The following ZNF264 variants were observed in gnomAD, a reference collection of about 807,000 sequenced individuals.
ZNF264 encodes the protein zinc finger protein 264.
In ZNF264, 11 loss-of-function variants were observed where a neutral mutation model predicts 11.2. The ratio of observed to expected loss-of-function variants is 0.98; its 90% CI spans 0.62 to 1.63. The LOEUF is 1.63. Ranked by LOEUF, ZNF264 falls within the 40% of genes most tolerant of loss-of-function variation. The pLI, the probability that ZNF264 is intolerant of heterozygous loss-of-function variation, is 0.00. For synonymous variants in ZNF264, 309 were observed against 279.8 expected, an observed-to-expected ratio of 1.10 and a Z score of -1.04; for missense variants, 752 against 768.1, an observed-to-expected ratio of 0.98 and a Z score of 0.25.
At chr19:57,208,008 G>A (rs1026424987) in intron 3 of ZNF264, among the ~76,000 whole-genome samples, 1 of 151,700 alleles carries the variant, frequency 6.6e-6, no homozygotes, top group African/African-American at 2.4e-5. Context: ...TTACAGGTGT[G>A]AGCCACTGCG....
At chr19:57,205,749 G>T (rs1293066151) in intron 3 of ZNF264, among the ~76,000 whole-genome samples, 1 of 152,192 alleles carries the variant, frequency 6.6e-6, no homozygotes, top group African/African-American at 2.4e-5. Context: ...TGTGTTCAGG[G>T]GTTCCAACTG....
chr19:57,194,397 T>C (rs967894483), intron 2 of ZNF264, among the ~76,000 whole-genome samples: 1 of 151,996 alleles, frequency 6.6e-6, no homozygotes, highest in African/African-American at 2.4e-5. Flanking sequence ...AAGACAAGAG[T>C]GGCCACCTGG....
chr19:57,193,568 T>G (rs962994506), intron 1 of ZNF264: 3 of 981,080 alleles, frequency 3.1e-6, no homozygotes, highest in Admixed American at 1.2e-4. Context: ...ATTATTGCTA[T>G]TATTACCATT....
intron 3 of ZNF264, among the ~76,000 whole-genome samples, chr19:57,208,141 C>T (rs2087307763): frequency 6.6e-6 from 1 of 152,228 alleles, no homozygotes; most frequent in Non-Finnish European, 1.5e-5. Flanking sequence ...AGGCGTAAGC[C>T]ACTATGCCCA....
intron 2 of ZNF264, among the ~76,000 whole-genome samples, chr19:57,202,972 T>C (rs2087264296): frequency 6.6e-6 from 1 of 152,072 alleles, no homozygotes; most frequent in Admixed American, 6.5e-5. Context: ...GGAACAGAAT[T>C]AGAGGACACC....
Position 57,193,889 on chromosome 19 carries a change from T to C in ZNF264, c.48T>C (p.Phe16=), listed in dbSNP as rs1366853573. The change falls in exon 2 of 4, where the codon TTT becomes TTC. Residue 16 remains phenylalanine, a synonymous_variant. Transcript: ENST00000263095. ...LTDRAQVSVT[F]DDVAVTFTKE... ...TGACTTTCCAGGTGTCTGTGACCTT[T>C]GATGATGTGGCTGTGACTTTCACCA... 6.2e-7 allele frequency: 1 copy of C among 1,614,118 alleles called. No homozygotes were observed. Among genetic ancestry groups the C allele is most frequent in the Non-Finnish European group, 8.5e-7 (1 of 1,179,984 alleles).
intron 1 of ZNF264, 69 bp downstream of exon 1, chr19:57,192,015 G>T: frequency 7.2e-7 from 1 of 1,388,322 alleles, no homozygotes; most frequent in East Asian, 2.7e-5. Flanking sequence ...AAGTGGGTGG[G>T]AGCCCAGGTA....
chr19:57,214,922 A>G lies in ZNF264; in HGVS notation c.*1941A>G, dbSNP rs1027817908. 60 of 152,340 alleles carry G rather than the reference A, an allele frequency of 3.9e-4. No individual in the cohort carries two copies. The highest frequency in any genetic ancestry group is 1.4e-3 in the African/African-American group (57 of 41,590). The allele number at this position is 152,340 out of a possible 1,614,324, so 9.4% of individuals were successfully genotyped here. On this transcript the variant is annotated 3_prime_UTR_variant, in exon 4 of 4. Transcript: ENST00000263095. ...AATAAACCATACTTGTTTGTAGAGT[A>G]TAATTGTTTTTATATATCATTTGAC... is the stretch of plus-strand genomic sequence containing the variant.
chr19:57,192,906 A>G (rs1249315832), intron 1 of ZNF264, among the ~76,000 whole-genome samples: 1 of 151,242 alleles, frequency 6.6e-6, no homozygotes, highest in Non-Finnish European at 1.5e-5. Flanking sequence ...TGATTTTTGT[A>G]TTTTAGTAGA....
At chr19:57,208,817 C>A (rs1006466278) in intron 3 of ZNF264, among the ~76,000 whole-genome samples, 1 of 152,126 alleles carries the variant, frequency 6.6e-6, no homozygotes, top group African/African-American at 2.4e-5. Context: ...AGAGAGGTTC[C>A]GTTGACCCAT....
rs1028314336 is a variant in ZNF264, at chr19:57,193,503, A to G, written c.34-372A>G. On this transcript the variant is annotated intron_variant, in intron 1 of 3. Transcript: ENST00000263095. ...GTTTACACAGGATGTGAAGCCTTCA[A>G]CATGGGGCAGGCACCTAGCTGGACC... 4 of 985,320 alleles carry G rather than the reference A, an allele frequency of 4.1e-6. No individual in the cohort carries two copies. In the African/African-American group the frequency reaches 7.0e-5, roughly 17 times the overall value. 61.0% of individuals were successfully genotyped at this position (985,320 alleles called of 1,614,324 possible).
In ZNF264 at chr19:57,216,406, G is replaced by A. The variant is rs1362079810; in HGVS notation, c.*3425G>A. 6.6e-6 allele frequency: 1 copy of A among 152,182 alleles called. No homozygotes were observed. The highest frequency in any genetic ancestry group is 1.5e-5 in the Non-Finnish European group (1 of 68,040). 9.4% of individuals were successfully genotyped at this position (152,182 alleles called of 1,614,324 possible). ...TTGTGGAAGTGTGTTGCTCTTTCAAGTTCTATCACTTTTTGTTTGCAAAGT... is the reference window on the plus strand; with the variant it reads ...TTGTGGAAGTGTGTTGCTCTTTCAAATTCTATCACTTTTTGTTTGCAAAGT... On this transcript the variant is annotated 3_prime_UTR_variant, in exon 4 of 4. Transcript: ENST00000263095.
rs555191845 is a variant in ZNF264 at position 57,218,714 on chromosome 19, A to G, written c.*5733A>G. 6 of 152,050 alleles carry G rather than the reference A, an allele frequency of 3.9e-5. No homozygotes were observed. Among genetic ancestry groups the G allele is most frequent in the Non-Finnish European group, 8.8e-5 (6 of 67,976 alleles). 9.4% of individuals were successfully genotyped at this position (152,050 alleles called of 1,614,324 possible). ...ATTGATTAATTTTTATTGACCTTCC[A>G]TGGTCCTCACTGATTGTTTTCTTTG... is the stretch of plus-strand genomic sequence containing the variant. On this transcript the variant is annotated 3_prime_UTR_variant, in exon 4 of 4. Transcript: ENST00000263095.
intron 3 of ZNF264, among the ~76,000 whole-genome samples, chr19:57,208,441 G>T (rs1416954146): frequency 6.6e-6 from 1 of 151,854 alleles, no homozygotes; most frequent in Non-Finnish European, 1.5e-5. Flanking sequence ...CTATTCAGGA[G>T]GCTGAGGTGG....
intron 3 of ZNF264, among the ~76,000 whole-genome samples, chr19:57,209,349 C>T (rs2087317055): frequency 1.3e-5 from 2 of 152,076 alleles, no homozygotes; most frequent in South Asian, 2.1e-4. Context: ...CAGTTATTTT[C>T]GTTCTCCATG....
chr19:57,203,249 G>A (rs778757416), intron 2 of ZNF264, among the ~76,000 whole-genome samples: 27 of 152,138 alleles, frequency 1.8e-4, no homozygotes, highest in Non-Finnish European at 3.7e-4. Flanking sequence ...ATTTAGGGCA[G>A]GGGAAATACT....
chr19:57,207,766 G>A (rs2087304195), intron 3 of ZNF264, among the ~76,000 whole-genome samples: 1 of 151,300 alleles, frequency 6.6e-6, no homozygotes, highest in South Asian at 2.1e-4. Flanking sequence ...TGCTGTTGTT[G>A]CCCAGGCGGG....
At chr19:57,209,419 T>C (rs1479987202) in intron 3 of ZNF264, among the ~76,000 whole-genome samples, 1 of 152,214 alleles carries the variant, frequency 6.6e-6, no homozygotes, top group Non-Finnish European at 1.5e-5. Flanking sequence ...AGTTCCATAG[T>C]TAAGTATAGT....
Position 57,218,146 on chromosome 19 carries a change from C to T in ZNF264, c.*5165C>T, listed in dbSNP as rs932502912. ...GTTATACACTGAACTTTACTGTAGCCTTTCTTCTAGAGTAACAAATGTTCT... is the reference window on the plus strand; with the variant it reads ...GTTATACACTGAACTTTACTGTAGCTTTTCTTCTAGAGTAACAAATGTTCT... On this transcript the variant is annotated 3_prime_UTR_variant, in exon 4 of 4. Coordinates refer to ENST00000263095, the MANE Select transcript of ZNF264 (RefSeq NM_003417.5). 2 of 152,142 alleles carry T rather than the reference C, an allele frequency of 1.3e-5. No homozygotes were observed. The highest frequency in any genetic ancestry group is 2.9e-5 in the Non-Finnish European group (2 of 68,016). The allele number at this position is 152,142 out of a possible 1,614,324, so 9.4% of individuals were successfully genotyped here. A position where few individuals can be genotyped will look rare whatever the true frequency, so the allele number is the denominator to read the frequency against.
Sources: gnomAD v4.1 joint callset for allele counts (sites outside exome capture counted in the v4.1 genomes callset) on GRCh38, gnomAD v4.1.1 for gene constraint, MANE v1.5 for transcripts, NCBI Gene and HGNC (gene_info 2026-07-23, HGNC 2026-07-21) for gene names.